PLD5: variants seen among roughly 807,000 people sequenced by gnomAD.
PLD5 encodes inactive phospholipase D5.
PLD5 carries 36 observed loss-of-function variants against 61.1 expected under a neutral mutation model. The observed-to-expected ratio is 0.59, with a 90% CI of 0.45 to 0.78. The LOEUF (loss-of-function observed/expected upper bound fraction) is 0.78, where lower values mean the gene tolerates loss of function less well. Ranked by LOEUF, PLD5 falls within the 30% of genes least tolerant of loss-of-function variation. The pLI, the probability that PLD5 is intolerant of heterozygous loss-of-function variation, is 0.00. For synonymous variants in PLD5, 243 were observed against 242.8 expected, an observed-to-expected ratio of 1.00 and a Z score of -0.01; for missense variants, 515 against 644.4, an observed-to-expected ratio of 0.80 and a Z score of 2.17.
intron 6 of PLD5, among the ~76,000 whole-genome samples, chr1:242,114,691 C>A (rs1209317693): frequency 6.6e-6 from 1 of 152,120 alleles, no homozygotes; most frequent in African/African-American, 2.4e-5. Context: ...CTACTGTGAA[C>A]TGCGCATGTA....
intron 1 of PLD5, chr1:242,377,158 T>C (rs962018765): frequency 6.2e-7 from 1 of 1,611,566 alleles, no homozygotes; most frequent in African/African-American, 1.3e-5. Context: ...TTGTGTACGA[T>C]GAAGAGGTGT....
chr1:242,527,167 C>G (rs1211233271), upstream of PLD5, among the ~76,000 whole-genome samples: 3 of 105,452 alleles, frequency 2.8e-5, no homozygotes, highest in Non-Finnish European at 5.4e-5. Flanking sequence ...GTCTTGCTCT[C>G]TCACCCAGGC....
At chr1:242,440,527 C>T (rs1045039111) in intron 1 of PLD5, among the ~76,000 whole-genome samples, 3 of 152,182 alleles carry the variant, frequency 2.0e-5, no homozygotes, top group African/African-American at 7.2e-5. Flanking sequence ...GATTATAATC[C>T]ATTTATCAAC....
intron 2 of PLD5, among the ~76,000 whole-genome samples, chr1:242,291,423 A>G (rs549468142): frequency 4.6e-5 from 7 of 152,142 alleles, no homozygotes; most frequent in Admixed American, 3.3e-4. Context: ...ACTATATACT[A>G]TAGTATAATT....
At chr1:242,148,286 T>C (rs1664677817) in intron 5 of PLD5, among the ~76,000 whole-genome samples, 1 of 97,956 alleles carries the variant, frequency 1.0e-5, no homozygotes, top group Non-Finnish European at 2.5e-5. Context: ...TGCACCTTTG[T>C]TAAAAATCAA....
chr1:242,380,495 G>A (rs186993316), intron 1 of PLD5, among the ~76,000 whole-genome samples: 1 of 152,176 alleles, frequency 6.6e-6, no homozygotes, highest in East Asian at 1.9e-4. Context: ...AATGTTATTT[G>A]GGGTGTTGCT....
rs1390965262 is a variant in PLD5, at chr1:242,113,874, C to T, written c.1070+16G>A. The T allele has an allele frequency of 3.1e-6, 5 of 1,610,402 alleles. No individual in the cohort carries two copies. The African/African-American group carries it at 4.0e-5, about 13-fold the overall frequency. ...TTAGGGACTGGGTTCTAACCAGAGG[C>T]TGGGCATTCACTGACCTTTTGGTGC... On this transcript the variant is annotated intron_variant, in intron 7 of 9. Coordinates refer to ENST00000536534, the MANE Select transcript of PLD5 (RefSeq NM_001372062.1).
At chr1:242,473,289 A>C (rs960108017) in intron 1 of PLD5, among the ~76,000 whole-genome samples, 2 of 152,208 alleles carry the variant, frequency 1.3e-5, no homozygotes, top group African/African-American at 4.8e-5. Flanking sequence ...AGACAAAAGA[A>C]ACTGGAGTCT....
intron 1 of PLD5, among the ~76,000 whole-genome samples, chr1:242,483,817 C>T (rs1470934361): frequency 1.3e-5 from 2 of 152,194 alleles, no homozygotes; most frequent in Non-Finnish European, 2.9e-5. Flanking sequence ...AAGTAAAGCA[C>T]TCCTTAGCAA....
chr1:242,270,409 T>C (rs866898646), intron 3 of PLD5, among the ~76,000 whole-genome samples: 41 of 152,250 alleles, frequency 2.7e-4, no homozygotes, highest in East Asian at 1.2e-3. Context: ...CTGAGTGACA[T>C]GCTGATGACC....
At chr1:242,217,660 A>G (rs2149000917) in intron 5 of PLD5, among the ~76,000 whole-genome samples, 1 of 152,320 alleles carries the variant, frequency 6.6e-6, no homozygotes, top group South Asian at 2.1e-4. Context: ...GGAGAAGGTC[A>G]ACATATCAAC....
At chr1:242,099,566 G>A (rs1660528698) in intron 9 of PLD5, among the ~76,000 whole-genome samples, 3 of 152,228 alleles carry the variant, frequency 2.0e-5, no homozygotes, top group Admixed American at 6.5e-5. Context: ...GGGAGGCAGT[G>A]GGTGAGATGA....
intron 1 of PLD5, among the ~76,000 whole-genome samples, chr1:242,425,150 G>C (rs1665348546): frequency 6.6e-6 from 1 of 152,140 alleles, no homozygotes; most frequent in Admixed American, 6.6e-5. Context: ...ATACAATCAT[G>C]TGTTGTTGCT....
At chr1:242,260,282 G>A (rs1282811117) in intron 4 of PLD5, among the ~76,000 whole-genome samples, 4 of 151,796 alleles carry the variant, frequency 2.6e-5, no homozygotes, top group African/African-American at 7.3e-5. Context: ...GGGAGGCAGA[G>A]CTTGCAGTGA....
intron 4 of PLD5, among the ~76,000 whole-genome samples, chr1:242,264,249 C>T (rs1203683166): frequency 2.0e-5 from 3 of 152,178 alleles, no homozygotes; most frequent in African/African-American, 4.8e-5. Flanking sequence ...TGGGCACTTA[C>T]AAGTTTTTCA....
intron 1 of PLD5, among the ~76,000 whole-genome samples, chr1:242,439,457 G>C (rs1334145549): frequency 6.6e-6 from 1 of 152,184 alleles, no homozygotes; most frequent in Non-Finnish European, 1.5e-5. Context: ...CCTACATGTA[G>C]TTGGCCTGAT....
intron 1 of PLD5, among the ~76,000 whole-genome samples, chr1:242,394,360 G>A (rs560819922): frequency 1.5e-5 from 1 of 66,752 alleles, no homozygotes; most frequent in Admixed American, 1.8e-4. Context: ...ATATATGTGT[G>A]TATATATGAG....
At chr1:242,212,233 G>C (rs1165546697) in intron 5 of PLD5, among the ~76,000 whole-genome samples, 1 of 152,146 alleles carries the variant, frequency 6.6e-6, no homozygotes, top group Non-Finnish European at 1.5e-5. Context: ...CAGTAGATAG[G>C]AAAAAGGACA....
At chr1:242,195,592 G>A (rs1668590287) in intron 5 of PLD5, among the ~76,000 whole-genome samples, 1 of 152,160 alleles carries the variant, frequency 6.6e-6, no homozygotes, top group Admixed American at 6.5e-5. Context: ...CATCTGTTTT[G>A]GATGCAGTGT....
Sources: allele counts gnomAD v4.1 joint callset (sites outside exome capture counted in the v4.1 genomes callset), GRCh38; gene constraint gnomAD v4.1.1; transcripts MANE v1.5; gene names NCBI Gene and HGNC (gene_info 2026-07-23, HGNC 2026-07-21).